Variants in BRSK2 observed in about 807,000 individuals in gnomAD.
BRSK2 encodes the protein BR serine/threonine kinase 2, also known as serine/threonine-protein kinase BRSK2.
A neutral mutation model predicts 83.3 loss-of-function variants in BRSK2; 19 were observed. The ratio of observed to expected loss-of-function variants is 0.23; its 90% CI spans 0.16 to 0.33. The LOEUF (loss-of-function observed/expected upper bound fraction) is 0.33, where lower values mean the gene tolerates loss of function less well. Among genes scored for constraint, BRSK2 ranks in the 10% least tolerant of loss-of-function variants. The pLI is 1.00. For missense variants in BRSK2, 798 were observed against 1,042.3 expected, an observed-to-expected ratio of 0.77 and a Z score of 3.23; for synonymous variants, 519 against 435.4, an observed-to-expected ratio of 1.19 and a Z score of -2.39.
rs975712444 is a variant in BRSK2 at position 1,447,804 on chromosome 11, A to G, written c.1226+1897A>G. On this transcript the variant is annotated intron_variant, in intron 12 of 19. Coordinates refer to ENST00000528841, the MANE Select transcript of BRSK2 (RefSeq NM_001256627.2). ...TCGCTCTGTTCTGCTGTAGTAAAGCAATGTTCAGTAAAAGCCTGGATATCG... is the reference window on the plus strand; with the variant it reads ...TCGCTCTGTTCTGCTGTAGTAAAGCGATGTTCAGTAAAAGCCTGGATATCG... The G allele has an allele frequency of 3.1e-6, 5 of 1,597,108 alleles. No homozygotes were observed. The African/African-American group carries it at 6.7e-5, about 21-fold the overall frequency.
intron 1 of BRSK2, among the ~76,000 whole-genome samples, chr11:1,406,136 G>A (rs1846860951): frequency 6.6e-6 from 1 of 152,096 alleles, no homozygotes; most frequent in Non-Finnish European, 1.5e-5. Context: ...CCTCCTGCCT[G>A]GCCTTCCTCT....
At chr11:1,460,186 C>T (rs917879387) in intron 19 of BRSK2, among the ~76,000 whole-genome samples, 1 of 152,158 alleles carries the variant, frequency 6.6e-6, no homozygotes, top group Non-Finnish European at 1.5e-5. Flanking sequence ...CAAAGGAGCA[C>T]TGGGTCCTGC....
At chr11:1,426,708 A>G (rs1849271164) in intron 1 of BRSK2, among the ~76,000 whole-genome samples, 1 of 152,104 alleles carries the variant, frequency 6.6e-6, no homozygotes, top group South Asian at 2.1e-4. Flanking sequence ...GGTTGCTGGC[A>G]ACGGGGGTGG....
intron 1 of BRSK2, among the ~76,000 whole-genome samples, chr11:1,399,578 G>A (rs1027163025): frequency 1.4e-4 from 22 of 152,190 alleles, no homozygotes; most frequent in African/African-American, 5.3e-4. Flanking sequence ...GGATGCCAGG[G>A]CCGCACAGTC....
rs1210074236 is a variant in BRSK2 at position 1,440,878 on chromosome 11, C to T, written c.363C>T (p.Phe121=). ...TGACGCCTAAGGAGGCTCGGAAGTTCTTCCGGCAGATCATCTCTGCGCTGG... is the reference window on the plus strand; with the variant it reads ...TGACGCCTAAGGAGGCTCGGAAGTTTTTCCGGCAGATCATCTCTGCGCTGG... ...GRLTPKEARK[F]FRQIISALDF... Residue 121 remains phenylalanine, a synonymous_variant, in exon 4 of 20, where the codon TTC becomes TTT. Transcript: ENST00000528841. 3.1e-6 allele frequency: 5 copies of T among 1,609,338 alleles called. No homozygotes were observed. Among genetic ancestry groups the T allele is most frequent in the African/African-American group, 1.3e-5 (1 of 74,732 alleles).
chr11:1,397,728 G>A (rs546372575), intron 1 of BRSK2, among the ~76,000 whole-genome samples: 2 of 152,346 alleles, frequency 1.3e-5, no homozygotes, highest in African/African-American at 4.8e-5. Context: ...CTTGGGTCCT[G>A]TCTGCCCTGG....
chr11:1,406,180 G>T (rs565204556), intron 1 of BRSK2, among the ~76,000 whole-genome samples: 1 of 152,306 alleles, frequency 6.6e-6, no homozygotes, highest in East Asian at 1.9e-4. Context: ...CTTCTTAGGA[G>T]ATAAACTGGG....
rs377340979 is a variant in BRSK2, at chr11:1,443,604, T to C, written c.749T>C (p.Met250Thr). The C allele has an allele frequency of 1.9e-6, 3 of 1,606,548 alleles. No homozygotes were observed. The highest frequency in any genetic ancestry group is 2.2e-5 in the South Asian group (2 of 90,800). Reference sequence around the variant, plus strand: ...GACTGCCAGAGTCTGCTACGGGGCATGATCGAGGTGGACGCCGCACGCCGC... The same window carrying C: ...GACTGCCAGAGTCTGCTACGGGGCACGATCGAGGTGGACGCCGCACGCCGC... ...PPDCQSLLRG[M>T]IEVDAARRLT... Residue 250 changes from methionine to threonine, a missense_variant, in exon 8 of 20, where the codon ATG (methionine) becomes ACG (threonine). Around this residue, in one of 6 missense-constraint regions of BRSK2, gnomAD observed 145 missense variants for 225.4 expected, o/e 0.64. Transcript: ENST00000528841.
intron 1 of BRSK2, among the ~76,000 whole-genome samples, chr11:1,424,710 C>T (rs1002669619): frequency 1.3e-5 from 2 of 150,764 alleles, no homozygotes; most frequent in African/African-American, 4.9e-5. Context: ...GCTCAGGACC[C>T]GTTGGGACTG....
At chr11:1,451,643 C>T (rs1590658857) in intron 15 of BRSK2, among the ~76,000 whole-genome samples, 1 of 152,330 alleles carries the variant, frequency 6.6e-6, no homozygotes, top group Non-Finnish European at 1.5e-5. Context: ...TGAGAAGCTT[C>T]AGGCCTTGGG....
intron 12 of BRSK2, chr11:1,447,736 G>A (rs1422529823): frequency 6.6e-7 from 1 of 1,517,574 alleles, no homozygotes; most frequent in East Asian, 2.4e-5. Flanking sequence ...GGGCCCTGGG[G>A]GCCGACCTGT....
intron 6 of BRSK2, 57 bp downstream of exon 6, chr11:1,443,196 C>G: frequency 2.0e-6 from 3 of 1,526,236 alleles, no homozygotes; most frequent in Middle Eastern, 2.3e-4. Flanking sequence ...GGGACCTGAC[C>G]CTGGTGGGAC....
chr11:1,445,744 C>T lies in BRSK2; in HGVS notation c.1076-13C>T, dbSNP rs80320341. The stretch of plus-strand genomic sequence containing the variant: ...TCCGGGGGCTGTCTGGCCTGACCTT[C>T]GTCTGTACTCAGACCCTCCCCGGAA... On this transcript the variant is annotated splice_polypyrimidine_tract_variant and intron_variant, in intron 11 of 19. Coordinates refer to ENST00000528841, the MANE Select transcript of BRSK2 (RefSeq NM_001256627.2). 1,366 of 1,611,140 alleles carry T rather than the reference C, an allele frequency of 8.5e-4. 8 individuals are homozygous for T. Among genetic ancestry groups the T allele is most frequent in the South Asian group, 5.0e-3 (457 of 91,006 alleles).
rs544219964 is a variant in BRSK2, at chr11:1,443,652, C to G, written c.780+17C>G. ...CGCCTCACGGTGCGTGCCCTCGGAG[C>G]GGGGCGGCCCCAGAGCGTGGCGGGG... is the stretch of plus-strand genomic sequence containing the variant. On this transcript the variant is annotated intron_variant, in intron 8 of 19. Coordinates refer to ENST00000528841, the MANE Select transcript of BRSK2 (RefSeq NM_001256627.2). 1.3e-3 allele frequency: 1,993 copies of G among 1,565,222 alleles called. 27 individuals are homozygous for G. The African/African-American group carries it at 0.025, about 20-fold the overall frequency.
intron 1 of BRSK2, chr11:1,411,327 G>GC: frequency 1.5e-6 from 2 of 1,364,604 alleles, no homozygotes; most frequent in Non-Finnish European, 1.9e-6. Context: ...TGAAGCTGGG[G>GC]CCGGAGCAGG....
chr11:1,447,353 C>G (rs571537591), intron 12 of BRSK2, among the ~76,000 whole-genome samples: 3 of 152,324 alleles, frequency 2.0e-5, no homozygotes, highest in Admixed American at 6.5e-5. Flanking sequence ...CCCCTCCGGT[C>G]AGCGGCGTGG....
Position 1,438,522 on chromosome 11 carries a change from C to A in BRSK2, c.272+131C>A. 1 of 789,022 alleles carries A rather than the reference C, an allele frequency of 1.3e-6. No individual in the cohort carries two copies. The highest frequency in any genetic ancestry group is 2.1e-6 in the Non-Finnish European group (1 of 478,436). 48.9% of individuals were successfully genotyped at this position (789,022 alleles called of 1,614,324 possible). ...GCCTGCTGCATCCCAGCAGCCCTGG[C>A]CCTGCTAGCATGAACACCTGCCTGG... On this transcript the variant is annotated intron_variant, in intron 3 of 19. Transcript: ENST00000528841. The surrounding 1 kb of genome is among the most constrained non-coding windows in gnomAD (Gnocchi z 6.4).
At chr11:1,424,337 G>A (rs1215212969) in intron 1 of BRSK2, among the ~76,000 whole-genome samples, 1 of 152,224 alleles carries the variant, frequency 6.6e-6, no homozygotes, top group Non-Finnish European at 1.5e-5. Flanking sequence ...CCCCAGCACT[G>A]GGTGGGTCTG....
Position 1,442,615 on chromosome 11 carries a change from C to T in BRSK2, c.530+9C>T, listed in dbSNP as rs745746498. ...TTGGAGACCAGCTGTGGGTACGTGG[C>T]CCTCTGCCCTGGAGAGAGGCTGGGG... On this transcript the variant is annotated intron_variant, in intron 5 of 19. Coordinates refer to ENST00000528841, the MANE Select transcript of BRSK2 (RefSeq NM_001256627.2). The T allele has an allele frequency of 1.9e-6, 3 of 1,600,376 alleles. No homozygotes were observed. The Admixed American group carries it at 5.0e-5, about 27-fold the overall frequency.
Sources: allele counts gnomAD v4.1 joint callset (sites outside exome capture counted in the v4.1 genomes callset), GRCh38; gene constraint gnomAD v4.1.1; regional missense constraint gnomAD v4.1.1; non-coding constraint Gnocchi (gnomAD v3.1); transcripts MANE v1.5; gene names NCBI Gene and HGNC (gene_info 2026-07-23, HGNC 2026-07-21).